Variants in EPS15 observed in about 807,000 individuals in gnomAD.
EPS15 encodes epidermal growth factor receptor pathway substrate 15, also known as epidermal growth factor receptor substrate 15.
Under a neutral mutation model 113.8 loss-of-function variants are expected in EPS15, and 72 were observed. That is an observed-to-expected ratio of 0.63 (90% CI 0.52 to 0.77). The LOEUF (loss-of-function observed/expected upper bound fraction) is 0.77, where lower values mean the gene tolerates loss of function less well. Ranked by LOEUF, EPS15 falls within the 30% of genes least tolerant of loss-of-function variation. EPS15 has a pLI of 0.00. For synonymous variants in EPS15, 344 were observed against 363.4 expected, an observed-to-expected ratio of 0.95 and a Z score of 0.61; for missense variants, 1,048 against 1,045.8, an observed-to-expected ratio of 1.00 and a Z score of -0.03.
intron 21 of EPS15, among the ~76,000 whole-genome samples, chr1:51,370,991 C>T (rs970514157): frequency 6.6e-6 from 1 of 152,160 alleles, no homozygotes; most frequent in Admixed American, 6.5e-5. Context: ...TCTCATCTCA[C>T]TGCAACTTCC....
Position 51,355,168 on chromosome 1 carries a change from T to A in EPS15, c.*1532A>T. 4.6e-6 allele frequency: 1 copy of A among 218,012 alleles called. No homozygotes were observed. Among genetic ancestry groups the A allele is most frequent in the East Asian group, 6.8e-5 (1 of 14,682 alleles). 13.5% of individuals were successfully genotyped at this position (218,012 alleles called of 1,614,324 possible). A position where few individuals can be genotyped will look rare whatever the true frequency, so the allele number is the denominator to read the frequency against. ...CAGTGCAAGATAGTGGTTTAAAGTTTGTTTTAAACTGTAGGAGTCTAATTG... is the reference window on the plus strand; with the variant it reads ...CAGTGCAAGATAGTGGTTTAAAGTTAGTTTTAAACTGTAGGAGTCTAATTG... On this transcript the variant is annotated 3_prime_UTR_variant, in exon 25 of 25. Transcript: ENST00000371733.
chr1:51,487,707 AG>A (rs1371261607), intron 1 of EPS15, among the ~76,000 whole-genome samples: 1 of 152,232 alleles, frequency 6.6e-6, no homozygotes, highest in Non-Finnish European at 1.5e-5. Flanking sequence ...CTCACATTAC[AG>A]GTTCATTGGT....
At chr1:51,358,772 A>G (rs973972489) in intron 24 of EPS15, among the ~76,000 whole-genome samples, 4 of 140,538 alleles carry the variant, frequency 2.8e-5, no homozygotes, top group Non-Finnish European at 6.0e-5. Flanking sequence ...CAGTGGCACT[A>G]TATCAGCTCC....
chr1:51,373,093 G>T, intron 21 of EPS15: 1 of 181,346 alleles, frequency 5.5e-6, no homozygotes. Flanking sequence ...CAACAAGATT[G>T]CCAATCAGGA....
rs1646214710 is a variant in EPS15, at chr1:51,356,194, A to T, written c.*506T>A. 4.7e-6 allele frequency: 1 copy of T among 212,796 alleles called. No individual in the cohort carries two copies. The highest frequency in any genetic ancestry group is 2.3e-5 in the African/African-American group (1 of 44,244). The allele number at this position is 212,796 out of a possible 1,614,324, so 13.2% of individuals were successfully genotyped here. ...CTTATCTCTGAAAAACAAATTAAGT[A>T]GAGGAAATTTAAAAATGCACTTTAG... On this transcript the variant is annotated 3_prime_UTR_variant, in exon 25 of 25. Coordinates refer to ENST00000371733, the MANE Select transcript of EPS15 (RefSeq NM_001981.3).
At chr1:51,389,747 C>A (rs1476390710) in intron 21 of EPS15, among the ~76,000 whole-genome samples, 4 of 152,200 alleles carry the variant, frequency 2.6e-5, no homozygotes, top group Admixed American at 6.5e-5. Flanking sequence ...ACCTAGGAAT[C>A]CAACTTACAA....
intron 2 of EPS15, among the ~76,000 whole-genome samples, chr1:51,480,496 A>G (rs771206246): frequency 2.0e-5 from 3 of 152,092 alleles, no homozygotes; most frequent in Non-Finnish European, 4.4e-5. Context: ...TCTGTAACTC[A>G]TATTCCCATT....
At position 51,403,434 on chromosome 1, in the gene EPS15, A is replaced by G; in HGVS notation, c.1776T>C (p.Asn592=). The change falls in exon 17 of 25, where the codon AAT becomes AAC. Residue 592 remains asparagine (N), a synonymous_variant. Coordinates refer to ENST00000371733, the MANE Select transcript of EPS15 (RefSeq NM_001981.3). ...TEKVCSELDN[N]RHSKEEDPFN... is the part of the protein sequence containing the mutation. ...CATTTTTTACCTCTTTTGAATGTCT[A>G]TTATTGTCGAGTTCAGAACAAACTT... The G allele has an allele frequency of 6.3e-7, 1 of 1,593,378 alleles. No homozygotes were observed. The highest frequency in any genetic ancestry group is 1.1e-5 in the South Asian group (1 of 89,690).
intron 12 of EPS15, among the ~76,000 whole-genome samples, chr1:51,430,977 T>C (rs949808032): frequency 6.8e-4 from 83 of 121,996 alleles, no homozygotes; most frequent in East Asian, 1.0e-3. Context: ...ATTACTTACA[T>C]ACACACACAC....
chr1:51,393,144 C>T (rs778930718), intron 21 of EPS15, among the ~76,000 whole-genome samples: 1 of 152,026 alleles, frequency 6.6e-6, no homozygotes, highest in South Asian at 2.1e-4. Flanking sequence ...ATTTCCAACC[C>T]GAAAACAATG....
intron 5 of EPS15, among the ~76,000 whole-genome samples, chr1:51,467,885 C>T (rs1654959518): frequency 6.6e-6 from 1 of 152,096 alleles, no homozygotes; most frequent in Non-Finnish European, 1.5e-5. Flanking sequence ...AAACCGGTCC[C>T]TGGTGCCAAA....
Position 51,356,717 on chromosome 1 carries a change from C to T in EPS15, c.2674G>A (p.Glu892Lys), listed in dbSNP as rs1195020416. 1 of 1,613,768 alleles carries T rather than the reference C, an allele frequency of 6.2e-7. No homozygotes were observed. The highest frequency in any genetic ancestry group is 1.7e-5 in the Admixed American group (1 of 59,958). ...LELAIALSKS[E>K]ISEA ...AGAATTCTTCATGCTTCTGATATCTCAGATTTGCTGAGTGCAATAGCCAGT... is the reference window on the plus strand; with the variant it reads ...AGAATTCTTCATGCTTCTGATATCTTAGATTTGCTGAGTGCAATAGCCAGT... Residue 892 changes from glutamate to lysine, a missense_variant, in exon 25 of 25, where the codon GAG (glutamate) becomes AAG (lysine). Coordinates refer to ENST00000371733, the MANE Select transcript of EPS15 (RefSeq NM_001981.3).
chr1:51,379,225 T>C (rs2148377104), intron 21 of EPS15, among the ~76,000 whole-genome samples: 1 of 152,312 alleles, frequency 6.6e-6, no homozygotes, highest in East Asian at 1.9e-4. Context: ...GTTCAAGTGA[T>C]TCTCCCGCCT....
chr1:51,454,277 G>T (rs1446145408), intron 8 of EPS15, among the ~76,000 whole-genome samples: 1 of 152,044 alleles, frequency 6.6e-6, no homozygotes, highest in East Asian at 1.9e-4. Flanking sequence ...GAACTTACCT[G>T]ATAGAAAAAT....
chr1:51,469,154 C>T (rs1655069146), intron 4 of EPS15, among the ~76,000 whole-genome samples: 1 of 150,902 alleles, frequency 6.6e-6, no homozygotes, highest in Admixed American at 6.6e-5. Flanking sequence ...CAAAAAAAAA[C>T]AAATAATATT....
intron 1 of EPS15, among the ~76,000 whole-genome samples, chr1:51,486,484 G>C (rs959129799): frequency 6.6e-6 from 1 of 150,818 alleles, no homozygotes; most frequent in African/African-American, 2.4e-5. Flanking sequence ...ACTTAAATCT[G>C]GTGGAACATA....
At chr1:51,437,474 C>T (rs1243165650) in intron 12 of EPS15, among the ~76,000 whole-genome samples, 1 of 150,712 alleles carries the variant, frequency 6.6e-6, no homozygotes, top group Non-Finnish European at 1.5e-5. Context: ...GGTTTGATCC[C>T]TGGACTAAAA....
chr1:51,426,895 A>G (rs1651272479), intron 12 of EPS15, among the ~76,000 whole-genome samples: 1 of 151,698 alleles, frequency 6.6e-6, no homozygotes, highest in African/African-American at 2.4e-5. Context: ...ACACACATAT[A>G]TATACATATA....
chr1:51,362,798 T>C (rs1455953690), intron 23 of EPS15, among the ~76,000 whole-genome samples: 1 of 152,038 alleles, frequency 6.6e-6, no homozygotes, highest in Non-Finnish European at 1.5e-5. Context: ...AGGAATGAGG[T>C]ATGATTTAAA....
Sources: gnomAD v4.1 joint callset for allele counts (sites outside exome capture counted in the v4.1 genomes callset) on GRCh38, gnomAD v4.1.1 for gene constraint, MANE v1.5 for transcripts, NCBI Gene and HGNC (gene_info 2026-07-23, HGNC 2026-07-21) for gene names.